Variants in UTRN observed in about 807,000 individuals in gnomAD.
The protein encoded by UTRN is dystrophin-related protein 1.
UTRN carries 283 observed loss-of-function variants against 463.9 expected under a neutral mutation model. The observed-to-expected ratio is 0.61, with a 90% CI of 0.55 to 0.67. UTRN has a LOEUF of 0.67. Ranked by LOEUF, UTRN falls within the 30% of genes least tolerant of loss-of-function variation. The pLI is 0.00. For synonymous variants in UTRN, 1,442 were observed against 1,431.5 expected (o/e 1.01, Z -0.17); for missense variants, 3,922 against 4,084.3 (o/e 0.96, Z 1.08).
At chr6:144,815,421 C>T (rs1778990035) in intron 65 of UTRN, among the ~76,000 whole-genome samples, 1 of 151,830 alleles carries the variant, frequency 6.6e-6, no homozygotes, top group Non-Finnish European at 1.5e-5. Context: ...CACATGATCA[C>T]AAGGTGAAGT....
intron 52 of UTRN, among the ~76,000 whole-genome samples, chr6:144,699,473 GTTTTTTTTTTTTTTTTT>G (rs71024902): frequency 1.5e-5 from 1 of 67,600 alleles, no homozygotes; most frequent in Non-Finnish European, 2.6e-5. Flanking sequence ...TTAGTCAGTG[GTTTTTTTTTTTTTTTTT>G]TTTTTTTTTT....
intron 3 of UTRN, among the ~76,000 whole-genome samples, chr6:144,416,512 T>G (rs1481483475): frequency 2.0e-5 from 3 of 152,132 alleles, no homozygotes. Context: ...CCCCCTGGCT[T>G]CTCCCCTTGC....
chr6:144,805,660 AG>A (rs1310639701), intron 65 of UTRN, among the ~76,000 whole-genome samples: 3 of 151,148 alleles, frequency 2.0e-5, no homozygotes, highest in Admixed American at 6.6e-5. Flanking sequence ...ACAATTATTA[AG>A]ACTTCCGAGT....
Position 144,851,040 on chromosome 6 carries a change from G to A in UTRN, c.*43G>A, listed in dbSNP as rs904501971. The A allele has an allele frequency of 2.5e-6, 4 of 1,613,228 alleles. No homozygotes were observed. The Admixed American group carries it at 5.0e-5, about 20-fold the overall frequency. On this transcript the variant is annotated 3_prime_UTR_variant, in exon 75 of 75. Transcript: ENST00000367545. ...CCAATGTTTCCTGACGTACAGTGTT[G>A]CCCTTTTCAGCAAATGCCAATTCCA... is the stretch of plus-strand genomic sequence containing the variant.
At chr6:144,295,495 A>G (rs1008809132) in intron 2 of UTRN, among the ~76,000 whole-genome samples, 1 of 152,382 alleles carries the variant, frequency 6.6e-6, no homozygotes, top group African/African-American at 2.4e-5. Context: ...TAGTTGGGCA[A>G]GCTTCACATT....
rs762371316 is a variant in UTRN at position 144,444,303 on chromosome 6, C to G, written c.1535C>G (p.Ala512Gly). The G allele has an allele frequency of 8.1e-6, 13 of 1,611,252 alleles. No homozygotes were observed. Among genetic ancestry groups the G allele is most frequent in the African/African-American group, 1.3e-5 (1 of 74,810 alleles). Reference sequence around the variant, plus strand: ...TAGAAACTTGGTGAGCGCTGGACAGCAGTATGCCGTTGGACTGAAGAACGC... The same window carrying G: ...TAGAAACTTGGTGAGCGCTGGACAGGAGTATGCCGTTGGACTGAAGAACGC... ...QLQKLGERWTAVCRWTEERWN... is the reference protein window; with the variant it reads ...QLQKLGERWTGVCRWTEERWN... The change falls in exon 14 of 75, where the codon GCA (alanine) becomes GGA (glycine). Residue 512 changes from alanine (A) to glycine (G), a missense_variant. Physicochemically the swap from Ala to Gly is moderately conservative, Grantham distance 60. Coordinates refer to ENST00000367545, the MANE Select transcript of UTRN (RefSeq NM_007124.3).
At chr6:144,450,915 T>C (rs1327224064) in intron 17 of UTRN, among the ~76,000 whole-genome samples, 7 of 152,020 alleles carry the variant, frequency 4.6e-5, no homozygotes, top group Admixed American at 6.6e-5. Flanking sequence ...GATCATGAGG[T>C]CAGCCTGGCC....
chr6:144,777,216 T>C (rs147985602), intron 60 of UTRN, among the ~76,000 whole-genome samples: 29 of 152,298 alleles, frequency 1.9e-4, no homozygotes, highest in African/African-American at 7.0e-4. Flanking sequence ...CAAGGAGATT[T>C]ATAGCAGTAC....
In UTRN at chr6:144,537,612, G is replaced by C; in HGVS notation, c.6264G>C (p.Lys2088Asn). The C allele has an allele frequency of 6.2e-7, 1 of 1,607,298 alleles. No homozygotes were observed. Among genetic ancestry groups the C allele is most frequent in the Non-Finnish European group, 8.5e-7 (1 of 1,177,204 alleles). The part of the protein sequence containing the change: ...RLKGESKQVM[K>N]YRHQLDEIIC... ...AAGGAGAAAGTAAGCAGGTGATGAAGTACAGGCATCAGCTAGATGAGATTA... is the reference window on the plus strand; with the variant it reads ...AAGGAGAAAGTAAGCAGGTGATGAACTACAGGCATCAGCTAGATGAGATTA... Residue 2088 changes from lysine (K) to asparagine (N), a missense_variant, in exon 44 of 75, where the codon AAG becomes AAC. Around this residue, in one of 3 missense-constraint regions of UTRN, gnomAD observed 2,349 missense variants for 2,303.8 expected, o/e 1.02. Transcript: ENST00000367545.
chr6:144,354,085 T>TG (rs1238898617), intron 2 of UTRN, among the ~76,000 whole-genome samples: 2 of 152,206 alleles, frequency 1.3e-5, no homozygotes, highest in African/African-American at 4.8e-5. Flanking sequence ...ACCTGTGCAG[T>TG]GCAGGCACAT....
chr6:144,687,375 G>A (rs1253837461), intron 52 of UTRN, among the ~76,000 whole-genome samples: 1 of 151,960 alleles, frequency 6.6e-6, no homozygotes, highest in Admixed American at 6.6e-5. Flanking sequence ...TATATTATTT[G>A]CAATTGAAAA....
chr6:144,728,255 C>T (rs1389894290), intron 53 of UTRN, among the ~76,000 whole-genome samples: 1 of 151,744 alleles, frequency 6.6e-6, no homozygotes, highest in African/African-American at 2.4e-5. Context: ...TTTTTCATGT[C>T]GTTATTATAT....
At chr6:144,539,171 T>C in intron 44 of UTRN, 123 bp from the exon 45 acceptor site, 8 of 1,149,610 alleles carry the variant, frequency 7.0e-6, no homozygotes, top group Non-Finnish European at 9.5e-6. Flanking sequence ...TATAAGTTTA[T>C]TTTTTCACTT....
Position 144,438,785 on chromosome 6 carries a change from C to T in UTRN, c.1282C>T (p.Gln428Ter), listed in dbSNP as rs1310692304. 3.1e-6 allele frequency: 5 copies of T among 1,614,222 alleles called. No individual in the cohort carries two copies. The highest frequency in any genetic ancestry group is 4.2e-6 in the Non-Finnish European group (5 of 1,180,044). The change falls in exon 12 of 75, where the codon CAG (glutamine) becomes TAG (stop). Residue 428 changes from glutamine to a stop codon, truncating the protein, a stop_gained. Transcript: ENST00000367545. LOFTEE classifies it high-confidence loss of function. ...VLMELQKKQL[Q>*]QLSAWLTLTE... ...GATGGAACTGCAGAAGAAGCAACTGCAGCAGCTCTCCGCCTGGTTAACACT... is the reference window on the plus strand; with the variant it reads ...GATGGAACTGCAGAAGAAGCAACTGTAGCAGCTCTCCGCCTGGTTAACACT...
At chr6:144,520,689 A>T (rs1437756635) in intron 39 of UTRN, among the ~76,000 whole-genome samples, 1 of 152,190 alleles carries the variant, frequency 6.6e-6, no homozygotes, top group African/African-American at 2.4e-5. Context: ...TTTAGTCATG[A>T]GTCTTGGATT....
intron 17 of UTRN, among the ~76,000 whole-genome samples, chr6:144,449,346 A>G (rs1393030387): frequency 1.3e-5 from 2 of 152,148 alleles, no homozygotes; most frequent in African/African-American, 4.8e-5. Flanking sequence ...ATGGCAGCTC[A>G]TTTCCACTTC....
chr6:144,524,724 A>G (rs1468352664), intron 41 of UTRN, among the ~76,000 whole-genome samples: 3 of 152,052 alleles, frequency 2.0e-5, no homozygotes, highest in African/African-American at 7.2e-5. Flanking sequence ...TTCCGGTACT[A>G]TGTTGAATGC....
intron 53 of UTRN, among the ~76,000 whole-genome samples, chr6:144,713,891 G>C (rs1786059463): frequency 6.8e-6 from 1 of 146,772 alleles, no homozygotes; most frequent in Admixed American, 7.0e-5. Flanking sequence ...TTGCACTCCA[G>C]CCTGGGAAAC....
intron 65 of UTRN, among the ~76,000 whole-genome samples, chr6:144,803,587 A>C (rs9497085): frequency 0.018 from 2,783 of 152,008 alleles, 82 homozygotes; most frequent in African/African-American, 0.063. Flanking sequence ...GATTCTATTT[A>C]TATTTATATT....
Sources: allele counts gnomAD v4.1 joint callset (sites outside exome capture counted in the v4.1 genomes callset), GRCh38; gene constraint gnomAD v4.1.1; regional missense constraint gnomAD v4.1.1; transcripts MANE v1.5; gene names NCBI Gene and HGNC (gene_info 2026-07-23, HGNC 2026-07-21).